The following RALGAPB variants were observed in gnomAD, a reference collection of about 807,000 sequenced individuals.
RALGAPB encodes Ral GTPase activating protein non-catalytic subunit beta.
Under a neutral mutation model 161.1 loss-of-function variants are expected in RALGAPB, and 25 were observed. That is an observed-to-expected ratio of 0.16 (90% CI 0.11 to 0.22). The LOEUF (loss-of-function observed/expected upper bound fraction) is 0.22. Ranked by LOEUF, RALGAPB falls within the 10% of genes least tolerant of loss-of-function variation. The pLI, the probability that RALGAPB is intolerant of heterozygous loss-of-function variation, is 1.00. For missense variants in RALGAPB, 1,391 were observed against 1,815.2 expected (o/e 0.77, Z 4.25); for synonymous variants, 629 against 626.1 (o/e 1.00, Z -0.07).
chr20:38,535,643 A>G (rs990821897), intron 16 of RALGAPB, among the ~76,000 whole-genome samples: 9 of 139,612 alleles, frequency 6.4e-5, no homozygotes, highest in Admixed American at 7.7e-5. Context: ...CCCAGTCTGT[A>G]GCGTAGTCGT....
At chr20:38,539,453 G>A (rs1322552763) in intron 16 of RALGAPB, among the ~76,000 whole-genome samples, 9 of 152,218 alleles carry the variant, frequency 5.9e-5, no homozygotes, top group African/African-American at 1.9e-4. Context: ...TCACTGTGAG[G>A]TTGGGTTAGG....
chr20:38,562,456 C>G, intron 23 of RALGAPB, 76 bp from the exon 24 acceptor site: 4 of 1,300,292 alleles, frequency 3.1e-6, no homozygotes, highest in Non-Finnish European at 4.2e-6. Flanking sequence ...TCAAAACTAA[C>G]CAATTTTTAT....
At chr20:38,548,526 C>G (rs905460931) in intron 19 of RALGAPB, among the ~76,000 whole-genome samples, 163 bp from the exon 20 acceptor site, 2 of 152,134 alleles carry the variant, frequency 1.3e-5, no homozygotes, top group Non-Finnish European at 2.9e-5. Context: ...TTACAGTACA[C>G]GGGTATGGGT....
chr20:38,561,859 C>G (rs1312003024), intron 23 of RALGAPB, among the ~76,000 whole-genome samples: 2 of 152,102 alleles, frequency 1.3e-5, no homozygotes, highest in Non-Finnish European at 2.9e-5. Context: ...CCAAAAATGT[C>G]TCCAAATGTT....
chr20:38,553,797 A>AG, intron 21 of RALGAPB, 70 bp from the exon 22 acceptor site: 1 of 905,168 alleles, frequency 1.1e-6, no homozygotes, highest in South Asian at 1.8e-5. Flanking sequence ...AAAAAAAAAA[A>AG]AAAACACTTA....
At chr20:38,556,341 A>G (rs2087585705) in intron 22 of RALGAPB, among the ~76,000 whole-genome samples, 2 of 152,178 alleles carry the variant, frequency 1.3e-5, no homozygotes, top group Admixed American at 6.5e-5. Flanking sequence ...ATTCTTATAT[A>G]ACTACAGTAC....
chr20:38,477,837 C>T (rs1250881167), intron 1 of RALGAPB, among the ~76,000 whole-genome samples: 1 of 152,120 alleles, frequency 6.6e-6, no homozygotes, highest in East Asian at 1.9e-4. Flanking sequence ...AAAGAAATGC[C>T]AGGTCACCGA....
At chr20:38,501,551 T>C (rs2085595219) in intron 5 of RALGAPB, among the ~76,000 whole-genome samples, 1 of 152,138 alleles carries the variant, frequency 6.6e-6, no homozygotes. Context: ...TACAGAGGTG[T>C]GCCAACATGT....
rs575598122 is a variant in RALGAPB, at chr20:38,496,302, C to G, written c.390-1051C>G. 2.0e-5 allele frequency among the ~76,000 whole-genome samples: 3 copies of G among 152,250 alleles called. No individual in the cohort carries two copies. The South Asian group carries it at 6.2e-4, about 32-fold the overall frequency. ...CATAGCCCAGAATCTGAGAATCTCT[C>G]TTCTAAGGTTGGGTTGACAGTTCTA... On this transcript the variant is annotated intron_variant, in intron 3 of 29. Coordinates refer to ENST00000262879, the MANE Select transcript of RALGAPB (RefSeq NM_020336.4).
At chr20:38,533,040 T>C (rs550139551) in intron 15 of RALGAPB, among the ~76,000 whole-genome samples, 181 bp downstream of exon 15, 3 of 152,178 alleles carry the variant, frequency 2.0e-5, no homozygotes, top group South Asian at 4.2e-4. Context: ...CTGTATAGCT[T>C]TTGGGTAGTA....
At chr20:38,522,299 G>C (rs571321262) in intron 10 of RALGAPB, among the ~76,000 whole-genome samples, 1 of 152,308 alleles carries the variant, frequency 6.6e-6, no homozygotes, top group East Asian at 1.9e-4. Flanking sequence ...CAAATCTATG[G>C]CTTCAGCCAT....
chr20:38,536,717 C>G (rs16987380), intron 16 of RALGAPB, among the ~76,000 whole-genome samples: 5,067 of 152,212 alleles, frequency 0.033, 130 homozygotes, highest in African/African-American at 0.071. Context: ...GAACAAAGAG[C>G]CGATAACCAG....
intron 14 of RALGAPB, 76 bp from the exon 15 acceptor site, chr20:38,532,654 G>T: frequency 6.5e-7 from 1 of 1,545,718 alleles, no homozygotes; most frequent in East Asian, 2.3e-5. Flanking sequence ...TATCAACATG[G>T]TTTTTAATGA....
intron 15 of RALGAPB, among the ~76,000 whole-genome samples, chr20:38,534,868 C>T (rs929320060): frequency 1.3e-5 from 2 of 152,246 alleles, no homozygotes; most frequent in Non-Finnish European, 2.9e-5. Context: ...GAACTAGAAG[C>T]TGCTCTGGTC....
chr20:38,548,199 G>C (rs2087239179), intron 19 of RALGAPB: 1 of 152,454 alleles, frequency 6.6e-6, no homozygotes, highest in Non-Finnish European at 1.5e-5. Flanking sequence ...AGATGGAACA[G>C]TGCCTGCCTG....
At chr20:38,525,046 A>G (rs898271694) in intron 11 of RALGAPB, 101 bp downstream of exon 11, 43 of 1,186,928 alleles carry the variant, frequency 3.6e-5, no homozygotes, top group Non-Finnish European at 5.0e-5. Context: ...AGTTGTCTTC[A>G]TAGTCCAAGA....
chr20:38,480,011 T>G lies in RALGAPB; in HGVS notation c.-31+6942T>G, dbSNP rs552452512. ...TTTTTTTTTTGTTTGAGACAGGGTC[T>G]TCTTCTGTTGCTCAGGCTGGAGTGC... On this transcript the variant is annotated intron_variant, in intron 1 of 29. Transcript: ENST00000262879. Among the ~76,000 whole-genome samples, 68 of 149,782 alleles carry G rather than the reference T, an allele frequency of 4.5e-4. No individual in the cohort carries two copies. The South Asian group carries it at 0.013, about 30-fold the overall frequency.
chr20:38,525,809 C>T, intron 12 of RALGAPB, 86 bp from the exon 13 acceptor site: 1 of 1,366,526 alleles, frequency 7.3e-7, no homozygotes, highest in East Asian at 2.3e-5. Context: ...TCTCATTATA[C>T]TGATCCGTTC....
chr20:38,541,242 G>A (rs2086954306), intron 18 of RALGAPB, 50 bp downstream of exon 18: 2 of 1,551,822 alleles, frequency 1.3e-6, no homozygotes, highest in African/African-American at 2.7e-5. Context: ...GATGGGGTTA[G>A]CAGTGATCCA....
Sources: gnomAD v4.1 joint callset for allele counts (sites outside exome capture counted in the v4.1 genomes callset) on GRCh38, gnomAD v4.1.1 for gene constraint, MANE v1.5 for transcripts, NCBI Gene and HGNC (gene_info 2026-07-23, HGNC 2026-07-21) for gene names.